Variants in SYN1 observed in about 807,000 individuals in gnomAD.
SYN1 encodes synapsin-1.
SYN1 carries 8 observed loss-of-function variants against 44.6 expected under a neutral mutation model. The ratio of observed to expected loss-of-function variants is 0.18; its 90% confidence interval spans 0.11 to 0.32. The LOEUF is 0.32. SYN1 is among the 10% of genes least tolerant of loss of function. SYN1 has a pLI of 1.00. For synonymous variants in SYN1, 275 were observed against 280.1 expected, an observed-to-expected ratio of 0.98 and a Z score of 0.18; for missense variants, 451 against 639.4, an observed-to-expected ratio of 0.71 and a Z score of 3.18.
chrX:47,586,849 C>G, intron 5 of SYN1: 1 of 670,258 alleles, frequency 1.5e-6, no homozygotes, highest in Non-Finnish European at 2.1e-6. Context: ...CTGGTGTGAG[C>G]ACCCTGGGAC....
At chrX:47,578,190 A>C (rs1335517756) in intron 5 of SYN1, among the ~76,000 whole-genome samples, 1 of 110,368 alleles carries the variant, frequency 9.1e-6, no homozygotes, top group African/African-American at 3.3e-5. Context: ...ACTTGGGCAC[A>C]CACCCAGGTT....
rs762284940 is a variant in SYN1 at position 47,606,967 on chromosome X, G to A, written c.505C>T (p.Arg169Trp). Residue 169 changes from arginine to tryptophan, a missense_variant, in exon 3 of 13, where the codon CGG (arginine) becomes TGG (tryptophan). Arg to Trp is a moderately radical substitution (Grantham distance 101). Transcript: ENST00000295987. ...CACCGCACGACCTTCACCCCATTCC[G>A]AAGAACTTCCATATCCACAGAGAAT... The part of the protein sequence containing the change: ...GGFSVDMEVL[R>W]NGVKVVRSLK... 8 of 1,207,640 alleles carry A rather than the reference G, an allele frequency of 6.6e-6. No homozygotes were observed. Among genetic ancestry groups the A allele is most frequent in the Non-Finnish European group, 8.9e-6 (8 of 894,579 alleles).
At chrX:47,584,929 C>T in intron 5 of SYN1, 11 of 1,208,125 alleles carry the variant, frequency 9.1e-6, no homozygotes, top group Non-Finnish European at 1.2e-5. Context: ...TCCCTCCTCT[C>T]CTGCAGTCAT....
chrX:47,593,017 A>G (rs972875289), intron 5 of SYN1, among the ~76,000 whole-genome samples: 1 of 108,139 alleles, frequency 9.2e-6, no homozygotes, highest in Non-Finnish European at 1.9e-5. Context: ...TGGGACTACA[A>G]GGGTGCACCA....
intron 5 of SYN1, among the ~76,000 whole-genome samples, chrX:47,583,887 G>A (rs2057810873): frequency 8.9e-6 from 1 of 111,739 alleles, no homozygotes; most frequent in Non-Finnish European, 1.9e-5. Context: ...AATATTCAGT[G>A]ATACTTGTTA....
At chrX:47,583,259 A>T (rs932603514) in intron 5 of SYN1, 7 of 397,578 alleles carry the variant, frequency 1.8e-5, no homozygotes, top group Non-Finnish European at 3.0e-5. Context: ...CAATCCCCTT[A>T]AAATCCCTAA....
chrX:47,574,633 G>A (rs1268259768), intron 11 of SYN1, 43 bp from the exon 12 acceptor site: 1 of 1,126,169 alleles, frequency 8.9e-7, no homozygotes, highest in South Asian at 1.9e-5. Context: ...GAGAGTGAGC[G>A]GGTAAGAGAT....
chrX:47,588,564 C>A (rs1031722886), intron 5 of SYN1, among the ~76,000 whole-genome samples: 3 of 112,299 alleles, frequency 2.7e-5, no homozygotes, highest in African/African-American at 9.7e-5. Flanking sequence ...GGACCGGAGA[C>A]CAGAACAGGT....
chrX:47,588,842 G>T (rs1439432398), intron 5 of SYN1, among the ~76,000 whole-genome samples: 1 of 111,584 alleles, frequency 9.0e-6, no homozygotes, highest in Non-Finnish European at 1.9e-5. Flanking sequence ...CAGCTCAGTG[G>T]GGAGCCTGGG....
intron 5 of SYN1, among the ~76,000 whole-genome samples, chrX:47,604,347 G>T (rs897036744): frequency 9.0e-6 from 1 of 110,509 alleles, no homozygotes; most frequent in Non-Finnish European, 1.9e-5. Context: ...CCAACTCCCG[G>T]GTTCAAGTGA....
chrX:47,577,968 A>G (rs777247805), intron 5 of SYN1, among the ~76,000 whole-genome samples: 1 of 110,183 alleles, frequency 9.1e-6, no homozygotes, highest in African/African-American at 3.3e-5. Flanking sequence ...AACTATTGAG[A>G]GGCATGAGCC....
At chrX:47,599,147 A>C (rs1171734644) in intron 5 of SYN1, among the ~76,000 whole-genome samples, 7 of 112,577 alleles carry the variant, frequency 6.2e-5, no homozygotes, top group Non-Finnish European at 1.3e-4. Context: ...TACTAGAGGA[A>C]TACAGGAACA....
intron 5 of SYN1, among the ~76,000 whole-genome samples, chrX:47,595,462 G>A (rs181357557): frequency 1.8e-5 from 2 of 111,403 alleles, no homozygotes; most frequent in African/African-American, 3.3e-5. Flanking sequence ...TATCCTCCAG[G>A]TAGATAGTGT....
intron 5 of SYN1, chrX:47,585,773 T>TG (rs1443084420): frequency 3.4e-6 from 4 of 1,166,113 alleles, no homozygotes; most frequent in Middle Eastern, 2.3e-4. Context: ...TCCCTGTGGC[T>TG]GCTCCCCAAC....
intron 5 of SYN1, chrX:47,583,346 GAC>G: frequency 3.6e-6 from 4 of 1,118,353 alleles, no homozygotes; most frequent in Non-Finnish European, 4.7e-6. Context: ...TGGGGTGGAT[GAC>G]CTGCCCAGGT....
At position 47,606,945 on chromosome X, in the gene SYN1, C is replaced by T. The variant is rs374210167; in HGVS notation, c.527G>A (p.Arg176Gln). ...ACCAAGGTACCCTTCTTATACTCAC[C>T]GCACGACCTTCACCCCATTCCGAAG... ...EVLRNGVKVV[R>Q]SLKPDFVLIR... is the part of the protein sequence containing the mutation. The change falls in exon 3 of 13, where the codon CGG becomes CAG. Residue 176 changes from arginine (R) to glutamine (Q), a missense_variant and splice_region_variant. Physicochemically the swap from Arg to Gln is conservative, Grantham distance 43. Around this residue, in one of 3 missense-constraint regions of SYN1, gnomAD observed 315 missense variants for 451.4 expected, o/e 0.70. Transcript: ENST00000295987. 2.2e-5 allele frequency: 26 copies of T among 1,205,081 alleles called. No homozygotes were observed. The highest frequency in any genetic ancestry group is 2.7e-5 in the Non-Finnish European group (24 of 892,686).
chrX:47,572,394 G>C lies in SYN1; in HGVS notation c.*470C>G, dbSNP rs1471866333. 8.1e-6 allele frequency: 1 copy of C among 123,681 alleles called. No individual in the cohort carries two copies. The highest frequency in any genetic ancestry group is 3.3e-5 in the African/African-American group (1 of 30,637). The allele number at this position is 123,681 out of a possible 1,213,427, so 10.2% of individuals were successfully genotyped here. A position where few individuals can be genotyped will look rare whatever the true frequency, so the allele number is the denominator to read the frequency against. The stretch of plus-strand genomic sequence containing the variant: ...CAGAGGGATGGAAGATCCATGGGAA[G>C]GGGCTCAACAGTAGGGGTTTCTTGA... On this transcript the variant is annotated 3_prime_UTR_variant, in exon 13 of 13. Coordinates refer to ENST00000295987, the MANE Select transcript of SYN1 (RefSeq NM_006950.3).
At chrX:47,607,717 A>C (rs1284637245) in intron 1 of SYN1, among the ~76,000 whole-genome samples, 2 of 98,553 alleles carry the variant, frequency 2.0e-5, no homozygotes, top group Non-Finnish European at 4.1e-5. Context: ...CCATCTCTAC[A>C]AAAAAAATTG....
At position 47,572,927 on chromosome X, in the gene SYN1, G is replaced by A. The variant is rs747911381; in HGVS notation, c.2055C>T (p.Asp685=). 4 of 1,209,886 alleles carry A rather than the reference G, an allele frequency of 3.3e-6. No homozygotes were observed. The highest frequency in any genetic ancestry group is 2.2e-5 in the Admixed American group (1 of 45,798). ...PAPPRPSLSQ[D]EVKAETIRSL... ...TGCGGATGGTCTCAGCTTTCACCTC[G>A]TCCTGGCTAAGGCTGGGCCTGGGCG... The change falls in exon 13 of 13, where the codon GAC becomes GAT. Residue 685 remains aspartate, a synonymous_variant. Transcript: ENST00000295987.
Sources: gnomAD v4.1 joint callset for allele counts (sites outside exome capture counted in the v4.1 genomes callset) on GRCh38, gnomAD v4.1.1 for gene constraint, gnomAD v4.1.1 regional missense constraint, MANE v1.5 for transcripts, NCBI Gene and HGNC (gene_info 2026-07-23, HGNC 2026-07-21) for gene names.